The following CNTNAP2 variants were observed in gnomAD, a reference collection of about 807,000 sequenced individuals.
CNTNAP2 encodes contactin-associated protein-like 2.
CNTNAP2 carries 98 observed loss-of-function variants against 155.2 expected under a neutral mutation model. The ratio of observed to expected loss-of-function variants is 0.63; its 90% CI spans 0.54 to 0.75. CNTNAP2 has a LOEUF of 0.75. CNTNAP2 is among the 30% of genes least tolerant of loss of function. CNTNAP2 has a pLI of 0.00. For synonymous variants in CNTNAP2, 651 were observed against 631.2 expected (o/e 1.03, Z -0.47); for missense variants, 1,727 against 1,688.1 (o/e 1.02, Z -0.40).
chr7:147,560,635 A>T (rs1800044633), intron 11 of CNTNAP2, among the ~76,000 whole-genome samples: 3 of 151,972 alleles, frequency 2.0e-5, no homozygotes, highest in Admixed American at 2.0e-4. Context: ...ATTAGTGAAC[A>T]AACACGGTTT....
intron 1 of CNTNAP2, among the ~76,000 whole-genome samples, chr7:146,228,490 A>G (rs556113263): frequency 1.3e-5 from 2 of 152,320 alleles, no homozygotes; most frequent in African/African-American, 4.8e-5. Flanking sequence ...GCTTTAGCAG[A>G]TTGTAAATAC....
chr7:146,360,560 A>T (rs905016406), intron 1 of CNTNAP2, among the ~76,000 whole-genome samples: 4 of 152,196 alleles, frequency 2.6e-5, no homozygotes, highest in African/African-American at 9.7e-5. Flanking sequence ...AGAGCAATTT[A>T]TGTGGATGTT....
chr7:148,053,559 C>T (rs1391107217), intron 15 of CNTNAP2, among the ~76,000 whole-genome samples: 4 of 152,282 alleles, frequency 2.6e-5, no homozygotes, highest in South Asian at 4.1e-4. Flanking sequence ...AACTTACGCT[C>T]ATTATCTAGA....
intron 9 of CNTNAP2, among the ~76,000 whole-genome samples, chr7:147,393,066 T>G (rs1184164488): frequency 3.9e-5 from 6 of 152,148 alleles, no homozygotes; most frequent in African/African-American, 1.4e-4. Context: ...AGAGACCAAG[T>G]TGCAGAGTTT....
At chr7:148,102,037 C>T (rs936448377) in intron 15 of CNTNAP2, among the ~76,000 whole-genome samples, 3 of 152,098 alleles carry the variant, frequency 2.0e-5, no homozygotes, top group African/African-American at 2.4e-5. Flanking sequence ...TAGTTAAACT[C>T]GTGTGACGGG....
chr7:146,757,260 T>C (rs1802010219), intron 1 of CNTNAP2, among the ~76,000 whole-genome samples: 1 of 152,128 alleles, frequency 6.6e-6, no homozygotes, highest in Non-Finnish European at 1.5e-5. Context: ...GAATGCAGTG[T>C]CATTATCTAT....
chr7:147,296,436 C>A (rs1015444596), intron 8 of CNTNAP2, among the ~76,000 whole-genome samples: 18 of 152,084 alleles, frequency 1.2e-4, no homozygotes, highest in African/African-American at 4.3e-4. Flanking sequence ...CAAGAATAAG[C>A]CTTTACATGC....
At chr7:148,225,975 G>A (rs1011711481) in intron 19 of CNTNAP2, among the ~76,000 whole-genome samples, 8 of 152,180 alleles carry the variant, frequency 5.3e-5, no homozygotes, top group Non-Finnish European at 1.0e-4. Flanking sequence ...TTGCCAGTAA[G>A]ATATCTGAGG....
intron 14 of CNTNAP2, among the ~76,000 whole-genome samples, chr7:147,968,658 A>G (rs1338441598): frequency 1.3e-5 from 2 of 152,142 alleles, no homozygotes; most frequent in Non-Finnish European, 2.9e-5. Flanking sequence ...AAATGAACGT[A>G]AAGGAACTGG....
intron 13 of CNTNAP2, among the ~76,000 whole-genome samples, chr7:147,712,382 C>T (rs1285031150): frequency 6.6e-6 from 1 of 152,156 alleles, no homozygotes; most frequent in Non-Finnish European, 1.5e-5. Flanking sequence ...TTGACCCAGC[C>T]ATCCCATGAC....
intron 4 of CNTNAP2, among the ~76,000 whole-genome samples, chr7:147,073,899 T>C (rs1354795066): frequency 6.6e-6 from 1 of 152,072 alleles, no homozygotes; most frequent in East Asian, 1.9e-4. Context: ...GGTTAGGAGA[T>C]TGAGTCAGAA....
chr7:147,252,903 T>G (rs1804232157), intron 8 of CNTNAP2, among the ~76,000 whole-genome samples: 1 of 152,156 alleles, frequency 6.6e-6, no homozygotes, highest in Non-Finnish European at 1.5e-5. Context: ...CTCAACAGTG[T>G]GGTATGTGGT....
At chr7:147,559,302 C>A (rs116462461) in intron 11 of CNTNAP2, among the ~76,000 whole-genome samples, 52 of 152,286 alleles carry the variant, frequency 3.4e-4, no homozygotes, top group African/African-American at 1.2e-3. Context: ...TTTGCCTGAC[C>A]AGAGCACAAC....
At chr7:147,855,694 CT>C (rs1313872343) in intron 13 of CNTNAP2, among the ~76,000 whole-genome samples, 1 of 152,074 alleles carries the variant, frequency 6.6e-6, no homozygotes, top group Non-Finnish European at 1.5e-5. Flanking sequence ...CTCTTTTACT[CT>C]CTATTTTCCT....
intron 1 of CNTNAP2, among the ~76,000 whole-genome samples, chr7:146,300,860 T>A (rs568896198): frequency 6.6e-6 from 1 of 152,284 alleles, no homozygotes. Flanking sequence ...ACTCTCAGTT[T>A]CCTGACAGCT....
At position 147,350,503 on chromosome 7, in the gene CNTNAP2, C is replaced by A. The variant is rs1584891504; in HGVS notation, c.1499-45106C>A. Among the ~76,000 whole-genome samples the A allele has an allele frequency of 4.6e-5, 7 of 151,748 alleles. 1 individual carries two copies. The highest frequency in any genetic ancestry group is 3.3e-4 in the Admixed American group (5 of 15,192). The stretch of plus-strand genomic sequence containing the variant: ...GATAAATATTCAACTCTCAATAAGG[C>A]AAAATCCTATGTATTCAAAATAAAA... On this transcript the variant is annotated intron_variant, in intron 9 of 23. Coordinates refer to ENST00000361727, the MANE Select transcript of CNTNAP2 (RefSeq NM_014141.6).
intron 13 of CNTNAP2, among the ~76,000 whole-genome samples, chr7:147,830,833 A>G (rs1798534662): frequency 6.6e-6 from 1 of 152,222 alleles, no homozygotes; most frequent in South Asian, 2.1e-4. Context: ...CCAAATGTTC[A>G]AGAAGCAGGT....
At chr7:146,117,857 AAC>A (rs2116712670) in intron 1 of CNTNAP2, among the ~76,000 whole-genome samples, 1 of 152,266 alleles carries the variant, frequency 6.6e-6, no homozygotes, top group East Asian at 1.9e-4. Context: ...GAAAGAGTTA[AAC>A]ACTAGAAAGA....
intron 10 of CNTNAP2, among the ~76,000 whole-genome samples, chr7:147,445,129 A>T (rs939370231): frequency 6.6e-6 from 1 of 152,160 alleles, no homozygotes; most frequent in Non-Finnish European, 1.5e-5. Context: ...ATTCAACATG[A>T]GATTTGGGCA....
Sources: allele counts gnomAD v4.1 joint callset (sites outside exome capture counted in the v4.1 genomes callset), GRCh38; gene constraint gnomAD v4.1.1; transcripts MANE v1.5; gene names NCBI Gene and HGNC (gene_info 2026-07-23, HGNC 2026-07-21).